Variants in CUX1 observed in about 807,000 individuals in gnomAD.
The protein encoded by CUX1 is protein CASP.
In CUX1, 31 loss-of-function variants were observed where a neutral mutation model predicts 158.8. The ratio of observed to expected loss-of-function variants is 0.20; its 90% CI spans 0.15 to 0.26. The LOEUF (loss-of-function observed/expected upper bound fraction) is 0.26, where lower values mean the gene tolerates loss of function less well. Ranked by LOEUF, CUX1 falls within the 10% of genes least tolerant of loss-of-function variation. CUX1 has a pLI of 1.00. For synonymous variants in CUX1, 879 were observed against 862.1 expected (o/e 1.02, Z -0.34); for missense variants, 1,589 against 2,014.6 (o/e 0.79, Z 4.04).
At chr7:102,030,691 G>GTTTTTTTTTTTTTTTTTTTGTTT (rs71119801) in intron 3 of CUX1, among the ~76,000 whole-genome samples, 1 of 119,386 alleles carries the variant, frequency 8.4e-6, no homozygotes, top group African/African-American at 3.1e-5. Context: ...TTTAAAAAGT[G>GTTTTTTTTTTTTTTTTTTTGTTT]TTTTTTTTTT....
intron 2 of CUX1, among the ~76,000 whole-genome samples, chr7:102,026,046 G>T (rs1352263441): frequency 6.6e-6 from 1 of 152,132 alleles, no homozygotes; most frequent in Non-Finnish European, 1.5e-5. Flanking sequence ...AGGCATGATG[G>T]TGTGCGCCTG....
intron 1 of CUX1, among the ~76,000 whole-genome samples, chr7:101,845,232 T>C (rs1203223651): frequency 1.3e-5 from 2 of 152,124 alleles, no homozygotes; most frequent in African/African-American, 4.8e-5. Context: ...GCAGTCCTCC[T>C]GCCTCAGCCT....
chr7:102,228,170 C>T lies in CUX1; in HGVS notation c.3433+501C>T, dbSNP rs555821493. On this transcript the variant is annotated intron_variant, in intron 21 of 23. Coordinates refer to ENST00000292535, the MANE Select transcript of CUX1 (RefSeq NM_181552.4). ...TTCACCATGTTGGCCAGGCTGGTCTCGAACTCTTGGCCTCAAGCAATCTGC... is the reference window on the plus strand; with the variant it reads ...TTCACCATGTTGGCCAGGCTGGTCTTGAACTCTTGGCCTCAAGCAATCTGC... Among the ~76,000 whole-genome samples the T allele has an allele frequency of 4.8e-3, 729 of 151,066 alleles. 3 individuals are homozygous for T. Among genetic ancestry groups the T allele is most frequent in the African/African-American group, 0.017 (692 of 41,250 alleles).
intron 18 of CUX1, among the ~76,000 whole-genome samples, chr7:102,278,858 A>G (rs1324002850): frequency 2.6e-5 from 4 of 151,352 alleles, no homozygotes; most frequent in Admixed American, 6.6e-5. Flanking sequence ...TGGCCGACAT[A>G]GTGAAACCCT....
In CUX1 at chr7:102,251,217, G is replaced by A. The variant is rs1323000154; in HGVS notation, c.*2175G>A. 3 of 760,026 alleles carry A rather than the reference G, an allele frequency of 3.9e-6. No homozygotes were observed. The African/African-American group carries it at 6.2e-5, about 16-fold the overall frequency. The allele number at this position is 760,026 out of a possible 1,614,324, so 47.1% of individuals were successfully genotyped here. A position where few individuals can be genotyped will look rare whatever the true frequency, so the allele number is the denominator to read the frequency against. ...TAATGGTGCATTCATTATTTCTTAA[G>A]TTTAATTAATATTACTTTTTTTTTT... On this transcript the variant is annotated 3_prime_UTR_variant, in exon 24 of 24. Coordinates refer to ENST00000292535, the MANE Select transcript of CUX1 (RefSeq NM_181552.4).
At chr7:101,863,593 C>T (rs746210785) in intron 1 of CUX1, among the ~76,000 whole-genome samples, 6 of 152,180 alleles carry the variant, frequency 3.9e-5, no homozygotes, top group Non-Finnish European at 7.3e-5. Context: ...TTAAGTGATC[C>T]ACCCGCCTCG....
At chr7:102,114,384 T>C (rs1554491192) in intron 7 of CUX1, among the ~76,000 whole-genome samples, 3 of 152,202 alleles carry the variant, frequency 2.0e-5, no homozygotes, top group Non-Finnish European at 4.4e-5. Flanking sequence ...CAAGTGATTC[T>C]CCTGCCTTAT....
chr7:102,196,022 G>C (rs573373225), intron 14 of CUX1, among the ~76,000 whole-genome samples: 1 of 152,296 alleles, frequency 6.6e-6, no homozygotes, highest in South Asian at 2.1e-4. Context: ...TTCTTCCTTG[G>C]TCAGGTTTCC....
intron 10 of CUX1, among the ~76,000 whole-genome samples, chr7:102,177,584 C>T (rs1554512387): frequency 6.6e-6 from 1 of 151,980 alleles, no homozygotes; most frequent in African/African-American, 2.4e-5. Flanking sequence ...GCTTCCTCCT[C>T]TGAGCCACCC....
At chr7:101,943,828 G>A (rs1808023100) in intron 2 of CUX1, among the ~76,000 whole-genome samples, 5 of 151,962 alleles carry the variant, frequency 3.3e-5, no homozygotes, top group Admixed American at 3.3e-4. Flanking sequence ...CGTTAAATAA[G>A]TGAATTAGGC....
intron 8 of CUX1, among the ~76,000 whole-genome samples, chr7:102,132,071 T>G (rs1833306386): frequency 6.6e-6 from 1 of 151,900 alleles, no homozygotes; most frequent in African/African-American, 2.4e-5. Flanking sequence ...TGGAAAAACT[T>G]TTTTTTAAGC....
At chr7:101,960,268 A>C (rs1810311726) in intron 2 of CUX1, 1 of 152,202 alleles carries the variant, frequency 6.6e-6, no homozygotes, top group Admixed American at 6.5e-5. Flanking sequence ...TTGGCAATTA[A>C]TCGGATGACT....
intron 8 of CUX1, among the ~76,000 whole-genome samples, chr7:102,130,640 C>T (rs1833109344): frequency 6.6e-6 from 1 of 152,056 alleles, no homozygotes; most frequent in African/African-American, 2.4e-5. Context: ...GAAATCACGC[C>T]ACTGCACTCC....
At chr7:102,145,662 G>A (rs1275708982) in intron 8 of CUX1, among the ~76,000 whole-genome samples, 2 of 152,040 alleles carry the variant, frequency 1.3e-5, no homozygotes, top group African/African-American at 4.8e-5. Context: ...AAGACAATGG[G>A]AGGGCCGGGC....
chr7:102,194,087 A>G (rs1794554320), intron 13 of CUX1, 197 bp downstream of exon 13: 1 of 658,962 alleles, frequency 1.5e-6, no homozygotes, highest in Non-Finnish European at 2.7e-6. Flanking sequence ...CATGTGTCCA[A>G]GGCATGAACC....
At position 102,156,053 on chromosome 7, in the gene CUX1, G is replaced by A. The variant is rs187384051; in HGVS notation, c.675-2507G>A. ...AACAGATACAATGAACATTGAACCC[G>A]ATCACAAGGCATCTGTTACCCTATT... On this transcript the variant is annotated intron_variant, in intron 8 of 23. Transcript: ENST00000292535. 4.4e-4 allele frequency among the ~76,000 whole-genome samples: 67 copies of A among 152,246 alleles called. No individual in the cohort carries two copies. The East Asian group carries it at 0.013, about 29-fold the overall frequency.
chr7:101,860,748 CCTTCCTT>C (rs1797362872), intron 1 of CUX1, among the ~76,000 whole-genome samples: 1 of 134,446 alleles, frequency 7.4e-6, no homozygotes, highest in Admixed American at 7.4e-5. Context: ...TTCCTTCCTT[CCTTCCTT>C]CCTTCCTTCC....
intron 2 of CUX1, among the ~76,000 whole-genome samples, chr7:102,016,578 CT>C (rs1329278107): frequency 1.3e-5 from 2 of 152,212 alleles, no homozygotes; most frequent in Admixed American, 6.5e-5. Flanking sequence ...CACCCCTGCA[CT>C]CCAGCCTGGA....
chr7:101,993,369 G>A (rs538535663), intron 2 of CUX1, among the ~76,000 whole-genome samples: 10 of 152,094 alleles, frequency 6.6e-5, no homozygotes, highest in South Asian at 2.1e-4. Flanking sequence ...ATAACAAGGC[G>A]TGCTGGAGAT....
Sources: gnomAD v4.1 joint callset for allele counts (sites outside exome capture counted in the v4.1 genomes callset) on GRCh38, gnomAD v4.1.1 for gene constraint, MANE v1.5 for transcripts, NCBI Gene and HGNC (gene_info 2026-07-23, HGNC 2026-07-21) for gene names.